The following CSTPP1 variants were observed in gnomAD, a reference collection of about 807,000 sequenced individuals.
CSTPP1 encodes the protein UPF0705 protein C11orf49.
At chr11:47,068,392 C>T in the CSTPP1 span, among the ~76,000 whole-genome samples, 1 of 152,038 alleles carries the variant, frequency 6.6e-6, no homozygotes, top group Non-Finnish European at 1.5e-5. Flanking sequence ...ATTAGTGAAG[C>T]ACGGTGGCGC....
chr11:47,047,667 T>A, the CSTPP1 span, among the ~76,000 whole-genome samples: 2 of 152,202 alleles, frequency 1.3e-5, no homozygotes, highest in Non-Finnish European at 2.9e-5. Flanking sequence ...TAAATTGGAC[T>A]TCATCAAAAT....
the CSTPP1 span, chr11:47,155,116 C>A: frequency 7.8e-7 from 1 of 1,287,166 alleles, no homozygotes; most frequent in South Asian, 1.2e-5. Flanking sequence ...CTCCCTCTCT[C>A]CCTCCCCTCC....
At chr11:46,961,810 A>G in the CSTPP1 span, among the ~76,000 whole-genome samples, 4 of 152,188 alleles carry the variant, frequency 2.6e-5, no homozygotes, top group African/African-American at 9.7e-5. Flanking sequence ...ATTTAAAAAA[A>G]AGACTGTTCT....
chr11:47,080,853 A>G, the CSTPP1 span, among the ~76,000 whole-genome samples: 1 of 152,022 alleles, frequency 6.6e-6, no homozygotes, highest in Admixed American at 6.6e-5. Context: ...TACAAAAAAT[A>G]CAAAAATTGG....
At chr11:47,057,482 C>T in the CSTPP1 span, among the ~76,000 whole-genome samples, 2 of 152,036 alleles carry the variant, frequency 1.3e-5, no homozygotes, top group African/African-American at 4.8e-5. Context: ...AAGGGAATTG[C>T]CCTCTTGCCA....
At chr11:47,124,358 G>A in the CSTPP1 span, among the ~76,000 whole-genome samples, 2 of 151,800 alleles carry the variant, frequency 1.3e-5, no homozygotes, top group East Asian at 1.9e-4. Context: ...TCCTGACCTC[G>A]TGATCTGCCC....
chr11:46,939,082 CTTTTTTTTTTTTT>C, the CSTPP1 span, among the ~76,000 whole-genome samples: 1 of 84,744 alleles, frequency 1.2e-5, no homozygotes, highest in Non-Finnish European at 2.3e-5. Context: ...TGGCTTACAT[CTTTTTTTTTTTTT>C]TTTTTTTTTT....
At chr11:47,023,202 C>G in the CSTPP1 span, 1 of 152,110 alleles carries the variant, frequency 6.6e-6, no homozygotes, top group South Asian at 2.1e-4. Flanking sequence ...TCAGGCAATT[C>G]TATGAATATA....
At chr11:47,161,639 G>A in the CSTPP1 span, 11 of 1,609,944 alleles carry the variant, frequency 6.8e-6, no homozygotes, top group Non-Finnish European at 8.5e-6. Context: ...GGAGACTTGA[G>A]GAGTCCAAAG....
the CSTPP1 span, among the ~76,000 whole-genome samples, chr11:47,134,774 C>T: frequency 1.3e-4 from 20 of 152,122 alleles, no homozygotes; most frequent in African/African-American, 4.8e-4. Flanking sequence ...GTGTTCAAAA[C>T]GGATTTGGCT....
the CSTPP1 span, among the ~76,000 whole-genome samples, chr11:46,963,557 G>A: frequency 1.3e-5 from 2 of 151,970 alleles, no homozygotes; most frequent in Non-Finnish European, 2.9e-5. Context: ...GCCTGGATGG[G>A]CAGACCATAT....
chr11:47,157,621 C>T, the CSTPP1 span, among the ~76,000 whole-genome samples: 2 of 152,018 alleles, frequency 1.3e-5, no homozygotes, highest in Non-Finnish European at 2.9e-5. Context: ...CACTCCCCAC[C>T]CCGGTGAAAG....
At chr11:47,116,165 A>T in the CSTPP1 span, among the ~76,000 whole-genome samples, 2 of 152,200 alleles carry the variant, frequency 1.3e-5, no homozygotes, top group Admixed American at 1.3e-4. Flanking sequence ...ATTTGATGGC[A>T]TTGTGGTCTG....
the CSTPP1 span, among the ~76,000 whole-genome samples, chr11:47,011,120 A>G: frequency 5.9e-5 from 9 of 152,346 alleles, 1 homozygote; most frequent in South Asian, 1.4e-3. Flanking sequence ...ATTGAAGTCT[A>G]TTTGAGGAAT....
the CSTPP1 span, among the ~76,000 whole-genome samples, chr11:47,051,599 T>G: frequency 6.6e-6 from 1 of 152,036 alleles, no homozygotes; most frequent in Non-Finnish European, 1.5e-5. Flanking sequence ...CACCCCAAAC[T>G]GGAACAGCCA....
the CSTPP1 span, among the ~76,000 whole-genome samples, chr11:47,083,157 A>C: frequency 6.6e-6 from 1 of 150,436 alleles, no homozygotes; most frequent in African/African-American, 2.5e-5. Context: ...TTCCTGCGTT[A>C]GTTTGCTGAG....
At chr11:47,027,220 C>CCTA in the CSTPP1 span, among the ~76,000 whole-genome samples, 3 of 152,088 alleles carry the variant, frequency 2.0e-5, no homozygotes, top group Non-Finnish European at 4.4e-5. Context: ...CTTATATCAG[C>CCTA]CGGTAAGAAG....
chr11:46,958,160 A>T, the CSTPP1 span, among the ~76,000 whole-genome samples: 89 of 152,056 alleles, frequency 5.9e-4, no homozygotes, highest in South Asian at 3.3e-3. Context: ...TCTTTTTTTT[A>T]AATTTTAAAT....
the CSTPP1 span, among the ~76,000 whole-genome samples, chr11:47,150,861 G>A: frequency 2.2e-3 from 323 of 150,094 alleles, 1 homozygote; most frequent in Non-Finnish European, 3.3e-3. Flanking sequence ...CGTGTCCTAA[G>A]GGCAATGGGA....
Sources: allele counts gnomAD v4.1 joint callset (sites outside exome capture counted in the v4.1 genomes callset), GRCh38; gene constraint gnomAD v4.1.1; transcripts MANE v1.5; gene names NCBI Gene and HGNC (gene_info 2026-07-23, HGNC 2026-07-21).